Variants in PIK3C2B observed in about 807,000 individuals in gnomAD.
PIK3C2B encodes the protein phosphatidylinositol 4-phosphate 3-kinase C2 domain-containing subunit beta.
A neutral mutation model predicts 184.3 loss-of-function variants in PIK3C2B; 83 were observed. That is an observed-to-expected ratio of 0.45 (90% confidence interval 0.38 to 0.54). The LOEUF is 0.54. Ranked by LOEUF, PIK3C2B falls within the 20% of genes least tolerant of loss-of-function variation. The pLI, the probability that PIK3C2B is intolerant of heterozygous loss-of-function variation, is 0.00. For synonymous variants in PIK3C2B, 779 were observed against 837.6 expected (o/e 0.93, Z 1.21); for missense variants, 1,736 against 2,113.5 (o/e 0.82, Z 3.50).
At position 204,441,571 on chromosome 1, in the gene PIK3C2B, G is replaced by A. The variant is rs745946973; in HGVS notation, c.3157-8C>T. 1.2e-6 allele frequency: 2 copies of A among 1,601,854 alleles called. No individual in the cohort carries two copies. The highest frequency in any genetic ancestry group is 2.7e-5 in the African/African-American group (2 of 74,798). On this transcript the variant is annotated splice_polypyrimidine_tract_variant and splice_region_variant and intron_variant, in intron 20 of 32. Transcript: ENST00000684373. Reference sequence around the variant, plus strand: ...GTTGAAGTAGGAACAGTCCTGCCATGGTGAAAAGATAGTGACGAGGGTCAG... The same window carrying A: ...GTTGAAGTAGGAACAGTCCTGCCATAGTGAAAAGATAGTGACGAGGGTCAG...
At position 204,443,581 on chromosome 1, in the gene PIK3C2B, G is replaced by A; in HGVS notation, c.2884C>T (p.Leu962Phe). ...HYFFWLLKDGLKDSQFSIRYQ... is the reference protein window; with the variant it reads ...HYFFWLLKDGFKDSQFSIRYQ... ...CGGATGCTGAACTGAGAGTCCTTGA[G>A]GCCGTCCTTCAGTAACCTGCAAGGC... Residue 962 changes from leucine to phenylalanine, a missense_variant, in exon 19 of 33, where the codon CTC becomes TTC. By Grantham distance (22) the Leu-to-Phe change is conservative. Transcript: ENST00000684373. 1.2e-6 allele frequency: 2 copies of A among 1,614,208 alleles called. No homozygotes were observed. Among genetic ancestry groups the A allele is most frequent in the African/African-American group, 1.3e-5 (1 of 75,064 alleles).
intron 11 of PIK3C2B, among the ~76,000 whole-genome samples, chr1:204,455,092 G>A (rs1202646862): frequency 6.6e-6 from 1 of 152,240 alleles, no homozygotes; most frequent in Non-Finnish European, 1.5e-5. Context: ...CCCATGGAGC[G>A]TCTGTGTGTG....
At chr1:204,450,910 C>T (rs768301878) in intron 12 of PIK3C2B, among the ~76,000 whole-genome samples, 5 of 152,222 alleles carry the variant, frequency 3.3e-5, no homozygotes, top group Non-Finnish European at 7.3e-5. Flanking sequence ...TCCTGGCCAG[C>T]CCAGGGCCCA....
chr1:204,490,048 C>T lies in PIK3C2B; in HGVS notation c.-85+4308G>A, dbSNP rs531544199. The T allele has an allele frequency of 7.6e-6, 3 of 397,238 alleles. No individual in the cohort carries two copies. In the Admixed American group the frequency reaches 1.3e-4, roughly 18 times the overall value. 24.6% of individuals were successfully genotyped at this position (397,238 alleles called of 1,614,324 possible). A position where few individuals can be genotyped will look rare whatever the true frequency, so the allele number is the denominator to read the frequency against. ...AATGAGCCACGTGTGTGAAACAACT[C>T]TCTAATATTAGGCACCCACCTCTAT... On this transcript the variant is annotated intron_variant, in intron 1 of 32. Transcript: ENST00000684373.
chr1:204,447,328 T>A lies in PIK3C2B; in HGVS notation c.2489+108A>T. 1 of 1,074,886 alleles carries A rather than the reference T, an allele frequency of 9.3e-7. No individual in the cohort carries two copies. Among genetic ancestry groups the A allele is most frequent in the Non-Finnish European group, 1.4e-6 (1 of 733,264 alleles). The allele number at this position is 1,074,886 out of a possible 1,614,324, so 66.6% of individuals were successfully genotyped here. A position where few individuals can be genotyped will look rare whatever the true frequency, so the allele number is the denominator to read the frequency against. ...GGGCTGCCTCCACTTCCTGCTGAGA[T>A]GGCAATGCCCACCCCTTCCCACCTC... On this transcript the variant is annotated intron_variant, in intron 15 of 32. Transcript: ENST00000684373. This position sits in a 1 kb window ranked among gnomAD's most constrained non-coding sequence, Gnocchi z 4.1.
intron 16 of PIK3C2B, 80 bp downstream of exon 16, chr1:204,445,876 G>T (rs1653812707): frequency 1.1e-6 from 1 of 943,030 alleles, no homozygotes; most frequent in Non-Finnish European, 1.5e-6. Flanking sequence ...CCCAGGGCTG[G>T]CTCAGATCAC....
Position 204,423,692 on chromosome 1 carries a change from A to C in PIK3C2B, c.*1160T>G, listed in dbSNP as rs372338885. 1 of 152,652 alleles carries C rather than the reference A, an allele frequency of 6.6e-6. No individual in the cohort carries two copies. Among genetic ancestry groups the C allele is most frequent in the East Asian group, 1.9e-4 (1 of 5,194 alleles). 9.5% of individuals were successfully genotyped at this position (152,652 alleles called of 1,614,324 possible). On this transcript the variant is annotated 3_prime_UTR_variant, in exon 33 of 33. Coordinates refer to ENST00000684373, the MANE Select transcript of PIK3C2B (RefSeq NM_001377334.1). Reference sequence around the variant, plus strand: ...CTTTGGCTCCAGACTAAATAGGTTTATGGCCCCACAGAATGAGGAAAAGTC... The same window carrying C: ...CTTTGGCTCCAGACTAAATAGGTTTCTGGCCCCACAGAATGAGGAAAAGTC...
intron 1 of PIK3C2B, among the ~76,000 whole-genome samples, chr1:204,480,627 TG>T (rs972662901): frequency 1.3e-5 from 2 of 151,402 alleles, no homozygotes; most frequent in African/African-American, 4.9e-5. Context: ...GTGGGGAGGA[TG>T]GGGGTGACTG....
At chr1:204,467,267 T>TCTCC (rs972392160) in intron 2 of PIK3C2B, 1 of 234,356 alleles carries the variant, frequency 4.3e-6, no homozygotes, top group Non-Finnish European at 8.6e-6. Flanking sequence ...GGAACAGGAA[T>TCTCC]CTCCCAGTCC....
chr1:204,479,123 C>T (rs565277438), intron 1 of PIK3C2B, among the ~76,000 whole-genome samples: 30 of 152,330 alleles, frequency 2.0e-4, no homozygotes, highest in African/African-American at 6.5e-4. Context: ...GAACCAGAAG[C>T]TGGCAATCAA....
intron 1 of PIK3C2B, among the ~76,000 whole-genome samples, chr1:204,486,412 G>C (rs756868386): frequency 6.3e-4 from 78 of 124,782 alleles, no homozygotes; most frequent in Non-Finnish European, 1.1e-3. Context: ...AAAAAAAAAA[G>C]AAAACAAAAC....
rs61763433 is a variant in PIK3C2B, at chr1:204,434,359, G to A, written c.3686+80C>T. The A allele has an allele frequency of 9.9e-4, 1,263 of 1,279,146 alleles. 17 individuals are homozygous for A. In the African/African-American group the frequency reaches 0.016, roughly 16 times the overall value. The allele number at this position is 1,279,146 out of a possible 1,614,324, so 79.2% of individuals were successfully genotyped here. A position where few individuals can be genotyped will look rare whatever the true frequency, so the allele number is the denominator to read the frequency against. On this transcript the variant is annotated intron_variant, in intron 24 of 32. Transcript: ENST00000684373. The stretch of plus-strand genomic sequence containing the variant: ...TCTGAGGCCCAGCTGCTTCCATCAT[G>A]GGCTTGTGTCCCAGCTCTGAACCAC...
intron 9 of PIK3C2B, among the ~76,000 whole-genome samples, 166 bp downstream of exon 9, chr1:204,457,562 A>C (rs1044794762): frequency 1.3e-5 from 2 of 152,232 alleles, no homozygotes; most frequent in Non-Finnish European, 2.9e-5. Flanking sequence ...CTTGGCATCC[A>C]TTTCTGAAGA....
At chr1:204,439,802 T>C (rs1447152517) in intron 22 of PIK3C2B, among the ~76,000 whole-genome samples, 1 of 152,156 alleles carries the variant, frequency 6.6e-6, no homozygotes, top group Non-Finnish European at 1.5e-5. Flanking sequence ...GCCTGGCTAA[T>C]TTTTTATAAT....
intron 11 of PIK3C2B, 72 bp downstream of exon 11, chr1:204,455,784 G>C: frequency 1.7e-6 from 2 of 1,158,166 alleles, no homozygotes; most frequent in Non-Finnish European, 1.2e-6. Flanking sequence ...GGTATTACAT[G>C]CAGATAGGAA....
chr1:204,447,401 A>C lies in PIK3C2B; in HGVS notation c.2489+35T>G. On this transcript the variant is annotated intron_variant, in intron 15 of 32. Coordinates refer to ENST00000684373, the MANE Select transcript of PIK3C2B (RefSeq NM_001377334.1). This position sits in a 1 kb window ranked among gnomAD's most constrained non-coding sequence, Gnocchi z 4.1. Reference sequence around the variant, plus strand: ...AGACTCAGTGCTGGGAGGTCAGATGAAACATGACAGATTCAGTGGGGGCCC... The same window carrying C: ...AGACTCAGTGCTGGGAGGTCAGATGCAACATGACAGATTCAGTGGGGGCCC... 1 of 1,600,580 alleles carries C rather than the reference A, an allele frequency of 6.2e-7. No individual in the cohort carries two copies. The highest frequency in any genetic ancestry group is 8.6e-7 in the Non-Finnish European group (1 of 1,169,246).
At position 204,424,761 on chromosome 1, in the gene PIK3C2B, G is replaced by C. The variant is rs1476366156; in HGVS notation, c.*91C>G. On this transcript the variant is annotated 3_prime_UTR_variant, in exon 33 of 33. Coordinates refer to ENST00000684373, the MANE Select transcript of PIK3C2B (RefSeq NM_001377334.1). Reference sequence around the variant, plus strand: ...GAGCTGGAGGCCTGCCCAGGGCCCTGGCCCTTCACAAGGAGGAGTCTCACA... The same window carrying C: ...GAGCTGGAGGCCTGCCCAGGGCCCTCGCCCTTCACAAGGAGGAGTCTCACA... 7.5e-7 allele frequency: 1 copy of C among 1,331,418 alleles called. No individual in the cohort carries two copies. Among genetic ancestry groups the C allele is most frequent in the Non-Finnish European group, 1.1e-6 (1 of 924,654 alleles). The allele number at this position is 1,331,418 out of a possible 1,614,324, so 82.5% of individuals were successfully genotyped here.
Position 204,438,975 on chromosome 1 carries a change from C to A in PIK3C2B, c.3476G>T (p.Trp1159Leu). The A allele has an allele frequency of 6.2e-7, 1 of 1,614,102 alleles. No homozygotes were observed. The highest frequency in any genetic ancestry group is 8.5e-7 in the Non-Finnish European group (1 of 1,180,042). Residue 1159 changes from tryptophan to leucine, a missense_variant, in exon 23 of 33, where the codon TGG (tryptophan) becomes TTG (leucine). By Grantham distance (61) the Trp-to-Leu change is moderately conservative. Around this residue, in one of 8 missense-constraint regions of PIK3C2B, gnomAD observed 289 missense variants for 380.4 expected, o/e 0.76. Transcript: ENST00000684373. ...CTCCCCAGGGTTGTGTTTCTGCAGC[C>A]AGTCTGCCAGGGGCCGGTCCTTGAA... ...GSFKDRPLAD[W>L]LQKHNPGEDE...
intron 3 of PIK3C2B, 52 bp downstream of exon 3, chr1:204,465,167 C>CACCCCCA: frequency 1.3e-6 from 1 of 760,390 alleles, no homozygotes. Context: ...GATGGCCCCC[C>CACCCCCA]TCCCCATCCC....
Sources: allele counts gnomAD v4.1 joint callset (sites outside exome capture counted in the v4.1 genomes callset), GRCh38; gene constraint gnomAD v4.1.1; regional missense constraint gnomAD v4.1.1; non-coding constraint Gnocchi (gnomAD v3.1); transcripts MANE v1.5; gene names NCBI Gene and HGNC (gene_info 2026-07-23, HGNC 2026-07-21).